The following PLEKHA7 variants were observed in gnomAD, a reference collection of about 807,000 sequenced individuals.
The protein encoded by PLEKHA7 is pleckstrin homology domain containing A7.
A neutral mutation model predicts 170.0 loss-of-function variants in PLEKHA7; 104 were observed. The ratio of observed to expected loss-of-function variants is 0.61; its 90% confidence interval spans 0.52 to 0.72. The LOEUF (loss-of-function observed/expected upper bound fraction) is 0.72. Among genes scored for constraint, PLEKHA7 ranks in the 30% least tolerant of loss-of-function variants. PLEKHA7 has a pLI of 0.00. For synonymous variants in PLEKHA7, 648 were observed against 660.8 expected (o/e 0.98, Z 0.30); for missense variants, 1,615 against 1,671.7 (o/e 0.97, Z 0.59).
At chr11:16,949,817 C>T (rs55786346) in intron 3 of PLEKHA7, among the ~76,000 whole-genome samples, 2,292 of 151,860 alleles carry the variant, frequency 0.015, 29 homozygotes, top group Non-Finnish European at 0.025. Flanking sequence ...TCATGAGCTA[C>T]AGAAATTCAG....
intron 3 of PLEKHA7, among the ~76,000 whole-genome samples, chr11:16,952,503 G>C (rs1163251361): frequency 6.6e-6 from 1 of 151,958 alleles, no homozygotes; most frequent in Non-Finnish European, 1.5e-5. Context: ...TCACTGTTCT[G>C]TCAGAGTTTC....
At chr11:16,865,612 A>C (rs1854328232) in intron 4 of PLEKHA7, among the ~76,000 whole-genome samples, 1 of 55,580 alleles carries the variant, frequency 1.8e-5, no homozygotes, top group Non-Finnish European at 5.6e-5. Context: ...CAGGAGAATC[A>C]CTTGAACCCA....
At chr11:17,007,804 G>A (rs1318337701) in intron 3 of PLEKHA7, among the ~76,000 whole-genome samples, 1 of 151,980 alleles carries the variant, frequency 6.6e-6, no homozygotes, top group African/African-American at 2.4e-5. Context: ...AAATTCCTGA[G>A]CCCAAGCAAT....
At position 16,789,170 on chromosome 11, in the gene PLEKHA7, G is replaced by T; in HGVS notation, c.3283C>A (p.Leu1095Met). Residue 1095 changes from leucine (L) to methionine (M), a missense_variant, in exon 23 of 27, where the codon CTG (leucine) becomes ATG (methionine). Transcript: ENST00000531066. This position sits in a 1 kb window ranked among gnomAD's most constrained non-coding sequence, Gnocchi z 4.6. Reference sequence around the variant, plus strand: ...AGGCCCGTCCTCTCCCCTTGGCCCAGTGTCCTCTTGCGCTCTCGGACCAGG... The same window carrying T: ...AGGCCCGTCCTCTCCCCTTGGCCCATTGTCCTCTTGCGCTCTCGGACCAGG... ...KALVRERKRT[L>M]GQGERTGLPS... 1 of 1,612,504 alleles carries T rather than the reference G, an allele frequency of 6.2e-7. No homozygotes were observed.
chr11:16,826,364 G>A lies in PLEKHA7; in HGVS notation c.1099C>T (p.Pro367Ser). The A allele has an allele frequency of 6.2e-7, 1 of 1,614,258 alleles. No homozygotes were observed. The highest frequency in any genetic ancestry group is 8.5e-7 in the Non-Finnish European group (1 of 1,180,048). The change falls in exon 10 of 27, where the codon CCA (proline) becomes TCA (serine). Residue 367 changes from proline to serine, a missense_variant. Pro to Ser is a moderately conservative substitution (Grantham distance 74). Transcript: ENST00000531066. Reference protein sequence around the residue: ...DRSKARSPYSPAEEDALFMDL... With the variant: ...DRSKARSPYSSAEEDALFMDL... ...ATAAACAAGGCATCCTCCTCGGCTG[G>A]CGAGTACGGAGACCTGGCCTTGCTC...
chr11:16,922,850 C>T lies in PLEKHA7; in HGVS notation c.222-51668G>A, dbSNP rs80140678. Among the ~76,000 whole-genome samples the T allele has an allele frequency of 7.9e-3, 1,208 of 152,266 alleles. 15 individuals carry two copies. Among genetic ancestry groups the T allele is most frequent in the African/African-American group, 0.026 (1,097 of 41,550 alleles). The stretch of plus-strand genomic sequence containing the variant: ...TGGTGCAGAGGAGAGACAGGCTGCC[C>T]CTTTCCCCTGAGAGCAAGGGGAGTC... On this transcript the variant is annotated intron_variant, in intron 3 of 26. Coordinates refer to ENST00000531066, the MANE Select transcript of PLEKHA7 (RefSeq NM_001329630.2).
At chr11:16,910,857 G>A (rs1230493270) in intron 3 of PLEKHA7, among the ~76,000 whole-genome samples, 7 of 152,326 alleles carry the variant, frequency 4.6e-5, no homozygotes, top group African/African-American at 1.4e-4. Flanking sequence ...AATATGAAGT[G>A]GAGATAACAT....
chr11:16,812,766 T>C (rs1003577190), intron 13 of PLEKHA7, among the ~76,000 whole-genome samples: 1 of 152,098 alleles, frequency 6.6e-6, no homozygotes, highest in African/African-American at 2.4e-5. Context: ...AAACCCACAT[T>C]AGTGAACCAA....
chr11:16,989,574 T>TGA, intron 3 of PLEKHA7, among the ~76,000 whole-genome samples: 1 of 152,326 alleles, frequency 6.6e-6, no homozygotes, highest in Admixed American at 6.5e-5. Context: ...TCTACTGCTT[T>TGA]CATGTCACAC....
intron 3 of PLEKHA7, among the ~76,000 whole-genome samples, chr11:16,950,595 C>T (rs1444256158): frequency 6.6e-6 from 1 of 151,552 alleles, no homozygotes; most frequent in Non-Finnish European, 1.5e-5. Context: ...CAATCTAATG[C>T]TCAAGTACTA....
intron 15 of PLEKHA7, 27 bp from the exon 16 acceptor site, chr11:16,801,844 C>G: frequency 1.2e-6 from 2 of 1,613,368 alleles, no homozygotes; most frequent in South Asian, 2.2e-5. Flanking sequence ...CAAAAAACAG[C>G]AGGATAGGAG....
At chr11:16,956,425 A>T (rs1861707177) in intron 3 of PLEKHA7, among the ~76,000 whole-genome samples, 1 of 152,232 alleles carries the variant, frequency 6.6e-6, no homozygotes, top group South Asian at 2.1e-4. Flanking sequence ...AGTATGAACC[A>T]CTTGGTTCCC....
In PLEKHA7 at chr11:16,947,029, C is replaced by T. The variant is rs540091499; in HGVS notation, c.221+66960G>A. 2.0e-4 allele frequency among the ~76,000 whole-genome samples: 30 copies of T among 152,308 alleles called. 1 individual carries two copies. The South Asian group carries it at 6.0e-3, about 31-fold the overall frequency. ...CAGCTGCGCCAGCACCCCCTGGGAA[C>T]CTATAAAGAATACAGAGGCCTGGGC... is the stretch of plus-strand genomic sequence containing the variant. On this transcript the variant is annotated intron_variant, in intron 3 of 26. Coordinates refer to ENST00000531066, the MANE Select transcript of PLEKHA7 (RefSeq NM_001329630.2).
At chr11:16,884,755 C>T (rs956764655) in intron 3 of PLEKHA7, among the ~76,000 whole-genome samples, 1 of 152,174 alleles carries the variant, frequency 6.6e-6, no homozygotes, top group African/African-American at 2.4e-5. Flanking sequence ...CTTTTTATTT[C>T]CATGCAGTCC....
At chr11:16,990,703 C>T (rs981401160) in intron 3 of PLEKHA7, among the ~76,000 whole-genome samples, 1 of 152,170 alleles carries the variant, frequency 6.6e-6, no homozygotes, top group African/African-American at 2.4e-5. Flanking sequence ...TGGGCATTAC[C>T]AAATACTCGT....
Position 16,957,689 on chromosome 11 carries a change from A to ATATTTTTTTTTTTTTTTT in PLEKHA7, c.221+56299_221+56300insAAAAAAAAAAAAAAAATA, listed in dbSNP as rs1420004461. ...ATATTACATGAATTTTACCTCAATA[A>ATATTTTTTTTTTTTTTTT]TTTTTTTCTTTTTTTTTTTTTTTTT... is the stretch of plus-strand genomic sequence containing the variant. On this transcript the variant is annotated intron_variant, in intron 3 of 26. Transcript: ENST00000531066. 2.5e-5 allele frequency among the ~76,000 whole-genome samples: 3 copies of ATATTTTTTTTTTTTTTTT among 118,226 alleles called. 1 individual carries two copies. 77.6% of individuals were successfully genotyped at this position (118,226 alleles called of 152,430 possible). A position where few individuals can be genotyped will look rare whatever the true frequency, so the allele number is the denominator to read the frequency against.
chr11:16,904,167 A>C (rs1229538626), intron 3 of PLEKHA7, among the ~76,000 whole-genome samples: 1 of 152,212 alleles, frequency 6.6e-6, no homozygotes, highest in East Asian at 1.9e-4. Context: ...CTTACGTGCT[A>C]TCATTTATTG....
intron 3 of PLEKHA7, among the ~76,000 whole-genome samples, chr11:16,884,085 C>T (rs1332708267): frequency 7.7e-6 from 1 of 130,250 alleles, no homozygotes; most frequent in Non-Finnish European, 1.7e-5. Flanking sequence ...ATATCTTGGA[C>T]TCCTCCATAT....
chr11:16,800,273 C>A (rs1421667010), intron 17 of PLEKHA7, among the ~76,000 whole-genome samples: 1 of 152,184 alleles, frequency 6.6e-6, no homozygotes, highest in Non-Finnish European at 1.5e-5. Context: ...TTAAGCACCA[C>A]AGTGGGGGAA....
Sources: allele counts gnomAD v4.1 joint callset (sites outside exome capture counted in the v4.1 genomes callset), GRCh38; gene constraint gnomAD v4.1.1; non-coding constraint Gnocchi (gnomAD v3.1); transcripts MANE v1.5; gene names NCBI Gene and HGNC (gene_info 2026-07-23, HGNC 2026-07-21).